Variants in ZNF407 observed in about 807,000 individuals in gnomAD.
ZNF407 encodes the protein zinc finger protein 407.
In ZNF407, 17 loss-of-function variants were observed where a neutral mutation model predicts 131.2. The ratio of observed to expected loss-of-function variants is 0.13; its 90% confidence interval spans 0.09 to 0.19. The LOEUF is 0.19. ZNF407 is among the 10% of genes least tolerant of loss of function. The pLI, the probability that ZNF407 is intolerant of heterozygous loss-of-function variation, is 1.00. For missense variants in ZNF407, 2,681 were observed against 2,830.6 expected (o/e 0.95, Z 1.20); for synonymous variants, 1,156 against 1,062.0 (o/e 1.09, Z -1.72).
At chr18:74,942,707 C>T (rs999057125) in intron 8 of ZNF407, among the ~76,000 whole-genome samples, 2 of 152,088 alleles carry the variant, frequency 1.3e-5, no homozygotes, top group African/African-American at 4.8e-5. Flanking sequence ...CCATCTGGGG[C>T]GCTTCCTCTC....
chr18:74,931,544 A>C (rs574734330), intron 8 of ZNF407, among the ~76,000 whole-genome samples: 3 of 152,220 alleles, frequency 2.0e-5, no homozygotes, highest in African/African-American at 7.2e-5. Flanking sequence ...GGCAATTATT[A>C]ATAGAGAGGC....
At chr18:74,998,204 C>T (rs568531397) in intron 8 of ZNF407, among the ~76,000 whole-genome samples, 1 of 152,148 alleles carries the variant, frequency 6.6e-6, no homozygotes. Flanking sequence ...AGATTTAATT[C>T]CCTGAGGCAG....
intron 1 of ZNF407, among the ~76,000 whole-genome samples, chr18:74,604,647 A>G (rs1982722109): frequency 6.6e-6 from 1 of 152,228 alleles, no homozygotes; most frequent in East Asian, 1.9e-4. Context: ...TGAACATTCC[A>G]TAGGCTTAGC....
chr18:74,710,533 A>C (rs1250467915), intron 3 of ZNF407, among the ~76,000 whole-genome samples: 1 of 152,190 alleles, frequency 6.6e-6, no homozygotes, highest in Non-Finnish European at 1.5e-5. Context: ...GTACCTGCCC[A>C]TTCCTTTTCC....
rs79848023 is a variant in ZNF407 at position 74,626,940 on chromosome 18, C to T, written c.-53-4027C>T. On this transcript the variant is annotated intron_variant, in intron 1 of 8. Transcript: ENST00000299687. ...TGTATCCTGATAGGGATTCCTGGGA[C>T]GTCACCTCTGCAGATCTCTGGGCCT... Among the ~76,000 whole-genome samples the T allele has an allele frequency of 6.4e-3, 974 of 152,270 alleles. 12 individuals carry two copies. Among genetic ancestry groups the T allele is most frequent in the African/African-American group, 0.022 (914 of 41,548 alleles).
Position 74,897,427 on chromosome 18 carries a change from A to G in ZNF407, c.5249+7389A>G, listed in dbSNP as rs142248786. The stretch of plus-strand genomic sequence containing the variant: ...AAAGTGACCATGCATTCCGTCTGCT[A>G]TCTCTTTAAGTAGAATCCAGATAAA... On this transcript the variant is annotated intron_variant, in intron 7 of 8. Coordinates refer to ENST00000299687, the MANE Select transcript of ZNF407 (RefSeq NM_017757.3). Among the ~76,000 whole-genome samples, 706 of 152,332 alleles carry G rather than the reference A, an allele frequency of 4.6e-3. 5 individuals carry two copies. Among genetic ancestry groups the G allele is most frequent in the African/African-American group, 0.015 (634 of 41,586 alleles).
At chr18:74,707,559 C>T (rs1054908143) in intron 3 of ZNF407, among the ~76,000 whole-genome samples, 3 of 152,106 alleles carry the variant, frequency 2.0e-5, no homozygotes, top group Non-Finnish European at 2.9e-5. Context: ...CCAAAAGTTT[C>T]GGATTTCGTA....
intron 4 of ZNF407, among the ~76,000 whole-genome samples, chr18:74,874,956 T>C (rs1599213431): frequency 6.6e-6 from 1 of 152,288 alleles, no homozygotes; most frequent in African/African-American, 2.4e-5. Flanking sequence ...CCCGGCAAGA[T>C]AGAGCTGTAT....
chr18:74,861,654 C>G (rs763690545), intron 4 of ZNF407, among the ~76,000 whole-genome samples: 1 of 152,130 alleles, frequency 6.6e-6, no homozygotes, highest in African/African-American at 2.4e-5. Context: ...CCTACCATAT[C>G]GATAACGATT....
intron 3 of ZNF407, among the ~76,000 whole-genome samples, chr18:74,691,892 T>C (rs560709042): frequency 6.6e-6 from 1 of 152,148 alleles, no homozygotes; most frequent in South Asian, 2.1e-4. Context: ...CCTGGAGTTA[T>C]AGACCAGCCT....
chr18:74,940,513 A>G lies in ZNF407; in HGVS notation c.5428+19821A>G, dbSNP rs546079895. On this transcript the variant is annotated intron_variant, in intron 8 of 8. Coordinates refer to ENST00000299687, the MANE Select transcript of ZNF407 (RefSeq NM_017757.3). ...GACACCAGAGGAAGCTGATGCGCTC[A>G]GGGCTAATAGGGGCCAGACTTGAAA... 6.6e-5 allele frequency among the ~76,000 whole-genome samples: 10 copies of G among 152,280 alleles called. No individual in the cohort carries two copies. In the South Asian group the frequency reaches 2.1e-3, roughly 32 times the overall value.
At chr18:74,625,044 G>A (rs1344402149) in intron 1 of ZNF407, among the ~76,000 whole-genome samples, 1 of 152,176 alleles carries the variant, frequency 6.6e-6, no homozygotes, top group African/African-American at 2.4e-5. Flanking sequence ...TTACCCCAAT[G>A]CATGAGTACA....
At chr18:74,896,933 G>T (rs1971461336) in intron 7 of ZNF407, among the ~76,000 whole-genome samples, 1 of 151,950 alleles carries the variant, frequency 6.6e-6, no homozygotes, top group Admixed American at 6.6e-5. Flanking sequence ...AGTTTTCTCT[G>T]CCCATTTCAT....
chr18:74,679,076 T>TATTTTTAACC (rs1555676278), intron 3 of ZNF407, among the ~76,000 whole-genome samples: 17 of 152,136 alleles, frequency 1.1e-4, no homozygotes, highest in South Asian at 2.1e-4. Context: ...ACTCAGCGGT[T>TATTTTTAACC]AAAAAAACCA....
chr18:74,780,645 A>AT (rs1178925856), intron 3 of ZNF407, among the ~76,000 whole-genome samples: 1 of 151,952 alleles, frequency 6.6e-6, no homozygotes, highest in Non-Finnish European at 1.5e-5. Context: ...ACAGCAGTAA[A>AT]TTTTTTTTCT....
intron 4 of ZNF407, among the ~76,000 whole-genome samples, chr18:74,850,081 A>C (rs572506700): frequency 6.6e-6 from 1 of 152,278 alleles, no homozygotes; most frequent in South Asian, 2.1e-4. Flanking sequence ...TGTTTCTTTG[A>C]TTGTGTCTCT....
chr18:75,008,991 T>C (rs1224360720), intron 8 of ZNF407, among the ~76,000 whole-genome samples: 1 of 152,204 alleles, frequency 6.6e-6, no homozygotes, highest in Non-Finnish European at 1.5e-5. Flanking sequence ...CAAACACTTA[T>C]CTTCTTCCAT....
intron 3 of ZNF407, among the ~76,000 whole-genome samples, chr18:74,736,342 A>G (rs1968411667): frequency 6.6e-6 from 1 of 152,148 alleles, no homozygotes; most frequent in Non-Finnish European, 1.5e-5. Flanking sequence ...GGCTTTCTAC[A>G]TTAGATCTTC....
chr18:74,862,320 G>T (rs1217486324), intron 4 of ZNF407, among the ~76,000 whole-genome samples: 1 of 152,194 alleles, frequency 6.6e-6, no homozygotes, highest in African/African-American at 2.4e-5. Flanking sequence ...ATCGAGTGTG[G>T]CACACACAGT....
Sources: gnomAD v4.1 joint callset for allele counts (sites outside exome capture counted in the v4.1 genomes callset) on GRCh38, gnomAD v4.1.1 for gene constraint, MANE v1.5 for transcripts, NCBI Gene and HGNC (gene_info 2026-07-23, HGNC 2026-07-21) for gene names.